The following ERC2 variants were observed in gnomAD, a reference collection of about 807,000 sequenced individuals.
The protein encoded by ERC2 is ELKS/RAB6-interacting/CAST family member 2, also known as ERC protein 2.
Under a neutral mutation model 114.8 loss-of-function variants are expected in ERC2, and 42 were observed. The ratio of observed to expected loss-of-function variants is 0.37; its 90% CI spans 0.29 to 0.47. The LOEUF is 0.47. Among genes scored for constraint, ERC2 ranks in the 20% least tolerant of loss-of-function variants. The pLI, the probability that ERC2 is intolerant of heterozygous loss-of-function variation, is 0.99. For synonymous variants in ERC2, 454 were observed against 425.5 expected (o/e 1.07, Z -0.82); for missense variants, 939 against 1,150.7 (o/e 0.82, Z 2.66).
At chr3:55,971,830 C>T (rs2069180467) in intron 12 of ERC2, among the ~76,000 whole-genome samples, 2 of 152,150 alleles carry the variant, frequency 1.3e-5, no homozygotes. Context: ...TTCTTCTGTA[C>T]CCTTTATCTT....
At chr3:56,328,022 A>T (rs1272451927) in intron 2 of ERC2, among the ~76,000 whole-genome samples, 1 of 152,240 alleles carries the variant, frequency 6.6e-6, no homozygotes, top group Non-Finnish European at 1.5e-5. Flanking sequence ...TCTTCAAGGC[A>T]TTTGTAACTC....
intron 3 of ERC2, among the ~76,000 whole-genome samples, chr3:56,264,231 T>C (rs575381563): frequency 6.6e-6 from 1 of 152,304 alleles, no homozygotes; most frequent in South Asian, 2.1e-4. Flanking sequence ...GCTTTTTCCT[T>C]AAGATTCCAT....
At chr3:56,249,855 CTTTTTTT>C (rs34668162) in intron 3 of ERC2, among the ~76,000 whole-genome samples, 1 of 112,822 alleles carries the variant, frequency 8.9e-6, no homozygotes, top group Admixed American at 1.2e-4. Flanking sequence ...CATCAAATTT[CTTTTTTT>C]TTTTTTTTTT....
chr3:56,324,510 G>A (rs939596416), intron 2 of ERC2, among the ~76,000 whole-genome samples: 3 of 152,198 alleles, frequency 2.0e-5, no homozygotes, highest in African/African-American at 7.2e-5. Flanking sequence ...GTCGGGCAAT[G>A]CATACTTGCA....
intron 17 of ERC2, among the ~76,000 whole-genome samples, chr3:55,512,202 C>T (rs2052130437): frequency 6.6e-6 from 1 of 152,226 alleles, no homozygotes; most frequent in South Asian, 2.1e-4. Context: ...ATCCCAGTGT[C>T]TGCACAGGTA....
chr3:56,053,466 G>A (rs764224141), intron 7 of ERC2, among the ~76,000 whole-genome samples: 1 of 152,116 alleles, frequency 6.6e-6, no homozygotes, highest in Non-Finnish European at 1.5e-5. Context: ...GGTGGCACCC[G>A]AGTTACACAC....
chr3:55,932,935 G>T (rs111574378), intron 13 of ERC2, among the ~76,000 whole-genome samples: 1 of 152,216 alleles, frequency 6.6e-6, no homozygotes, highest in Non-Finnish European at 1.5e-5. Flanking sequence ...AGCACTGGGC[G>T]TGGTAGCTCA....
At chr3:55,638,751 G>T (rs2060055933) in intron 17 of ERC2, among the ~76,000 whole-genome samples, 1 of 152,118 alleles carries the variant, frequency 6.6e-6, no homozygotes, top group Non-Finnish European at 1.5e-5. Flanking sequence ...CTTCCTTAAG[G>T]GTGGATAGGG....
intron 12 of ERC2, among the ~76,000 whole-genome samples, chr3:55,980,079 C>T (rs1490068391): frequency 6.9e-6 from 1 of 144,362 alleles, no homozygotes; most frequent in African/African-American, 2.6e-5. Context: ...CTATAGAACC[C>T]ACTATGTTTG....
intron 15 of ERC2, among the ~76,000 whole-genome samples, chr3:55,730,411 T>C (rs570387028): frequency 5.1e-4 from 78 of 152,344 alleles, no homozygotes; most frequent in Admixed American, 3.0e-3. Context: ...ATGATGTTTG[T>C]AAACTTAGGT....
chr3:55,529,915 G>C (rs2053565393), intron 17 of ERC2, among the ~76,000 whole-genome samples: 1 of 152,182 alleles, frequency 6.6e-6, no homozygotes, highest in African/African-American at 2.4e-5. Context: ...TCATTGTATG[G>C]TCTGGAAGAC....
intron 2 of ERC2, among the ~76,000 whole-genome samples, chr3:56,431,766 G>C (rs540238772): frequency 6.6e-6 from 1 of 151,954 alleles, no homozygotes; most frequent in Non-Finnish European, 1.5e-5. Context: ...AAATCTCTGC[G>C]CTTCTTCCTC....
chr3:56,080,299 C>A (rs564822034), intron 7 of ERC2, among the ~76,000 whole-genome samples: 1 of 152,178 alleles, frequency 6.6e-6, no homozygotes, highest in South Asian at 2.1e-4. Context: ...CAAGGTCAAG[C>A]ATCTTCTGTG....
chr3:56,061,401 G>A (rs2076239730), intron 7 of ERC2, among the ~76,000 whole-genome samples: 1 of 152,186 alleles, frequency 6.6e-6, no homozygotes, highest in South Asian at 2.1e-4. Context: ...AGACTAGTCT[G>A]CATGCTGACA....
intron 15 of ERC2, among the ~76,000 whole-genome samples, chr3:55,710,021 C>T (rs1041471510): frequency 9.9e-5 from 15 of 152,098 alleles, no homozygotes; most frequent in African/African-American, 3.6e-4. Context: ...AAATGGCAGG[C>T]GATTGTTCCA....
At chr3:55,631,284 G>A (rs1009245930) in intron 17 of ERC2, among the ~76,000 whole-genome samples, 12 of 152,136 alleles carry the variant, frequency 7.9e-5, no homozygotes, top group African/African-American at 2.7e-4. Flanking sequence ...TTTTGGCCAA[G>A]CTCCTAAATA....
intron 2 of ERC2, chr3:56,434,115 C>A (rs2061913644): frequency 1.9e-6 from 1 of 527,152 alleles, no homozygotes; most frequent in East Asian, 3.0e-5. Context: ...CTCCCCACCC[C>A]ACCCCTCTCC....
chr3:56,426,949 C>CCCAGGAGTTCAAGA lies in ERC2; in HGVS notation c.657+7388_657+7401dup, dbSNP rs1453638314. 1.5e-4 allele frequency among the ~76,000 whole-genome samples: 23 copies of CCCAGGAGTTCAAGA among 149,606 alleles called. 1 individual carries two copies. The South Asian group carries it at 3.9e-3, about 25-fold the overall frequency. The stretch of plus-strand genomic sequence containing the variant: ...GGCTGAGGCAGGTGGATTGCTTGAG[C>CCCAGGAGTTCAAGA]CCAGGAGTTCAAGACCAGCTTGGGA... On this transcript the variant is annotated intron_variant, in intron 2 of 17. Transcript: ENST00000288221.
intron 5 of ERC2, among the ~76,000 whole-genome samples, chr3:56,148,625 G>C (rs564157746): frequency 1.3e-5 from 2 of 152,122 alleles, no homozygotes; most frequent in Non-Finnish European, 2.9e-5. Flanking sequence ...GGAGAGGCAA[G>C]AAATTTGACA....
Sources: gnomAD v4.1 joint callset for allele counts (sites outside exome capture counted in the v4.1 genomes callset) on GRCh38, gnomAD v4.1.1 for gene constraint, MANE v1.5 for transcripts, NCBI Gene and HGNC (gene_info 2026-07-23, HGNC 2026-07-21) for gene names.